The following SLC12A6 variants were observed in gnomAD, a reference collection of about 807,000 sequenced individuals.
SLC12A6 encodes the protein K-Cl cotransporter 3.
A neutral mutation model predicts 135.3 loss-of-function variants in SLC12A6; 66 were observed. The ratio of observed to expected loss-of-function variants is 0.49; its 90% confidence interval spans 0.40 to 0.60. The LOEUF (loss-of-function observed/expected upper bound fraction) is 0.60. Among genes scored for constraint, SLC12A6 ranks in the 20% least tolerant of loss-of-function variants. The pLI is 0.00. For synonymous variants in SLC12A6, 513 were observed against 508.8 expected (o/e 1.01, Z -0.11); for missense variants, 1,058 against 1,452.3 (o/e 0.73, Z 4.41).
intron 14 of SLC12A6, 65 bp downstream of exon 14, chr15:34,245,628 A>G: frequency 7.3e-7 from 1 of 1,373,560 alleles, no homozygotes; most frequent in African/African-American, 1.4e-5. Flanking sequence ...TAAGCCCATG[A>G]AGACCACACT....
chr15:34,266,281 T>C (rs780048693), intron 3 of SLC12A6, among the ~76,000 whole-genome samples: 3 of 152,158 alleles, frequency 2.0e-5, no homozygotes, highest in Non-Finnish European at 2.9e-5. Flanking sequence ...GATATAATTT[T>C]ATTAGTATCA....
chr15:34,303,067 G>A (rs920035714), intron 2 of SLC12A6, among the ~76,000 whole-genome samples: 7 of 151,750 alleles, frequency 4.6e-5, no homozygotes, highest in African/African-American at 1.7e-4. Context: ...TTTTAAAGAT[G>A]GTTTTGGAAA....
In SLC12A6 at chr15:34,313,460, G is replaced by C. The variant is rs192006589; in HGVS notation, c.271+22950C>G. Among the ~76,000 whole-genome samples the C allele has an allele frequency of 1.8e-4, 28 of 152,274 alleles. 1 individual carries two copies. The East Asian group carries it at 3.3e-3, about 18-fold the overall frequency. The stretch of plus-strand genomic sequence containing the variant: ...GAGTTGATGGGGGTGCAAAATAAAA[G>C]TTTGAAGCTAACAGAAGTTGGTTCA... On this transcript the variant is annotated intron_variant, in intron 2 of 25. Transcript: ENST00000354181.
At chr15:34,243,049 A>G (rs1566805314) in intron 16 of SLC12A6, among the ~76,000 whole-genome samples, 1 of 152,070 alleles carries the variant, frequency 6.6e-6, no homozygotes, top group Non-Finnish European at 1.5e-5. Context: ...ATGTGCCACC[A>G]TGCCCGGCTA....
intron 2 of SLC12A6, among the ~76,000 whole-genome samples, chr15:34,294,222 A>T (rs1338756873): frequency 6.6e-6 from 1 of 152,024 alleles, no homozygotes; most frequent in Admixed American, 6.6e-5. Flanking sequence ...TCCACTGCTA[A>T]TTTAAATACT....
chr15:34,296,358 C>CCTAT (rs1188416435), intron 2 of SLC12A6, among the ~76,000 whole-genome samples: 1 of 151,840 alleles, frequency 6.6e-6, no homozygotes, highest in Non-Finnish European at 1.5e-5. Flanking sequence ...TCATGATAAC[C>CCTAT]CTGTGATACA....
chr15:34,312,957 T>A (rs1888364082), intron 2 of SLC12A6, among the ~76,000 whole-genome samples: 1 of 152,242 alleles, frequency 6.6e-6, no homozygotes, highest in Non-Finnish European at 1.5e-5. Flanking sequence ...GAAGACTTAA[T>A]CCATAAATGT....
chr15:34,253,245 G>T (rs1454703068), intron 9 of SLC12A6, among the ~76,000 whole-genome samples: 2 of 152,168 alleles, frequency 1.3e-5, no homozygotes, highest in African/African-American at 4.8e-5. Flanking sequence ...CTTGTTTCAT[G>T]TATTATTCTA....
chr15:34,306,337 T>C (rs1240487365), intron 2 of SLC12A6, among the ~76,000 whole-genome samples: 1 of 151,942 alleles, frequency 6.6e-6, no homozygotes, highest in African/African-American at 2.4e-5. Context: ...TCTCCTTACA[T>C]ATGCCAGCCA....
At chr15:34,280,110 T>C (rs1894576528) in intron 2 of SLC12A6, among the ~76,000 whole-genome samples, 1 of 152,218 alleles carries the variant, frequency 6.6e-6, no homozygotes, top group African/African-American at 2.4e-5. Flanking sequence ...AGTTTGCCAA[T>C]AGCAATAGTC....
chr15:34,308,440 C>T (rs1397563594), intron 2 of SLC12A6, among the ~76,000 whole-genome samples: 1 of 151,970 alleles, frequency 6.6e-6, no homozygotes, highest in Admixed American at 6.6e-5. Flanking sequence ...GCCTGGCCAA[C>T]ATGGTGAAAC....
At chr15:34,324,837 T>G (rs867188264) in intron 2 of SLC12A6, among the ~76,000 whole-genome samples, 5 of 152,278 alleles carry the variant, frequency 3.3e-5, no homozygotes, top group Non-Finnish European at 7.4e-5. Flanking sequence ...CTTTGCAAAT[T>G]ATCTCTGGTA....
chr15:34,330,426 A>G (rs1889760198), intron 2 of SLC12A6, among the ~76,000 whole-genome samples: 1 of 152,146 alleles, frequency 6.6e-6, no homozygotes, highest in Non-Finnish European at 1.5e-5. Context: ...TAATCCTAGC[A>G]CTTTGGGAGG....
intron 2 of SLC12A6, among the ~76,000 whole-genome samples, chr15:34,293,126 G>A (rs143730110): frequency 0.027 from 4,150 of 152,196 alleles, 190 homozygotes; most frequent in African/African-American, 0.095. Context: ...GACCAGAGCT[G>A]TTCCTATTCA....
intron 2 of SLC12A6, among the ~76,000 whole-genome samples, chr15:34,275,646 A>G (rs1894250404): frequency 6.6e-6 from 1 of 152,216 alleles, no homozygotes. Context: ...CAGGGACTCA[A>G]ACAGATACTT....
intron 4 of SLC12A6, among the ~76,000 whole-genome samples, chr15:34,259,213 G>T (rs1407980613): frequency 6.6e-6 from 1 of 152,052 alleles, no homozygotes; most frequent in African/African-American, 2.4e-5. Context: ...GGTGGCACGT[G>T]CCTGTAATCC....
intron 2 of SLC12A6, among the ~76,000 whole-genome samples, chr15:34,286,132 A>G (rs1210558599): frequency 4.0e-5 from 6 of 151,744 alleles, no homozygotes; most frequent in African/African-American, 1.5e-4. Flanking sequence ...GGAGTGTGGT[A>G]GCACGATCTA....
chr15:34,237,407 C>T lies in SLC12A6; in HGVS notation c.2934+12G>A, dbSNP rs11854257. 6.2e-7 allele frequency: 1 copy of T among 1,609,060 alleles called. No individual in the cohort carries two copies. ...GAATGAACCTCTTGTATCTCAAACT[C>T]AGCTTTCTCACCATCTCCACCACTT... On this transcript the variant is annotated intron_variant, in intron 22 of 25. Coordinates refer to ENST00000354181, the MANE Select transcript of SLC12A6 (RefSeq NM_001365088.1).
intron 5 of SLC12A6, 65 bp downstream of exon 5, chr15:34,258,748 G>C (rs1892920415): frequency 7.5e-7 from 1 of 1,325,054 alleles, no homozygotes; most frequent in South Asian, 1.2e-5. Context: ...TGGTGCCTTA[G>C]GTATTTCCTT....
Sources: gnomAD v4.1 joint callset for allele counts (sites outside exome capture counted in the v4.1 genomes callset) on GRCh38, gnomAD v4.1.1 for gene constraint, MANE v1.5 for transcripts, NCBI Gene and HGNC (gene_info 2026-07-23, HGNC 2026-07-21) for gene names.